Variants in MAGI1 observed in about 807,000 individuals in gnomAD.
MAGI1 encodes membrane associated guanylate kinase, WW and PDZ domain containing 1, also known as membrane-associated guanylate kinase, WW and PDZ domain-containing protein 1.
Under a neutral mutation model 139.9 loss-of-function variants are expected in MAGI1, and 58 were observed. The ratio of observed to expected loss-of-function variants is 0.41; its 90% CI spans 0.34 to 0.52. The LOEUF (loss-of-function observed/expected upper bound fraction) is 0.52. Ranked by LOEUF, MAGI1 falls within the 20% of genes least tolerant of loss-of-function variation. The pLI is 0.12. For missense variants in MAGI1, 1,874 were observed against 1,901.6 expected, an observed-to-expected ratio of 0.99 and a Z score of 0.27; for synonymous variants, 812 against 737.9, an observed-to-expected ratio of 1.10 and a Z score of -1.63.
At chr3:66,025,459 G>C (rs1467448844) in intron 1 of MAGI1, among the ~76,000 whole-genome samples, 1 of 152,150 alleles carries the variant, frequency 6.6e-6, no homozygotes, top group Non-Finnish European at 1.5e-5. Context: ...AAGATCGCTT[G>C]AGCCCAGGAG....
At chr3:65,725,125 T>C (rs750643447) in intron 1 of MAGI1, among the ~76,000 whole-genome samples, 1 of 152,184 alleles carries the variant, frequency 6.6e-6, no homozygotes, top group Non-Finnish European at 1.5e-5. Context: ...CAACTCCAAA[T>C]GAGATTCCTT....
chr3:65,621,216 T>G (rs569140750), intron 2 of MAGI1, among the ~76,000 whole-genome samples: 1 of 152,326 alleles, frequency 6.6e-6, no homozygotes, highest in East Asian at 1.9e-4. Flanking sequence ...CATTCTTCCC[T>G]TGTATTTTAA....
At chr3:65,838,013 C>T (rs189972195) in intron 1 of MAGI1, among the ~76,000 whole-genome samples, 106 of 152,234 alleles carry the variant, frequency 7.0e-4, no homozygotes, top group Middle Eastern at 3.4e-3. Context: ...CTTACATAAC[C>T]GTAGTACAAC....
At chr3:65,934,822 T>G (rs1049094350) in intron 1 of MAGI1, among the ~76,000 whole-genome samples, 1 of 151,962 alleles carries the variant, frequency 6.6e-6, no homozygotes, top group African/African-American at 2.4e-5. Context: ...AGGGGAACAT[T>G]GAAATCCTCT....
chr3:65,494,809 C>G (rs1303639253), intron 2 of MAGI1, among the ~76,000 whole-genome samples: 1 of 152,228 alleles, frequency 6.6e-6, no homozygotes, highest in Admixed American at 6.5e-5. Flanking sequence ...ACTGGATATT[C>G]ACAATTTTCA....
intron 1 of MAGI1, among the ~76,000 whole-genome samples, chr3:65,916,931 A>T (rs2061937344): frequency 6.6e-6 from 1 of 152,190 alleles, no homozygotes; most frequent in Non-Finnish European, 1.5e-5. Flanking sequence ...TTGGATAATC[A>T]TACACGTAAT....
At chr3:65,595,867 C>T (rs1487324913) in intron 2 of MAGI1, among the ~76,000 whole-genome samples, 1 of 152,022 alleles carries the variant, frequency 6.6e-6, no homozygotes. Flanking sequence ...ATCAAGAATC[C>T]TTTCCCTCTG....
At chr3:65,624,628 G>C (rs986122817) in intron 1 of MAGI1, among the ~76,000 whole-genome samples, 1 of 152,168 alleles carries the variant, frequency 6.6e-6, no homozygotes, top group Non-Finnish European at 1.5e-5. Context: ...TTGTTACAGA[G>C]AGCGGAAGGT....
chr3:65,659,117 G>C (rs996764232), intron 1 of MAGI1, among the ~76,000 whole-genome samples: 1 of 152,082 alleles, frequency 6.6e-6, no homozygotes, highest in African/African-American at 2.4e-5. Context: ...CACCCAGATA[G>C]GAAGTACAGA....
At chr3:65,806,330 G>A (rs995346381) in intron 1 of MAGI1, among the ~76,000 whole-genome samples, 2 of 152,096 alleles carry the variant, frequency 1.3e-5, no homozygotes, top group Non-Finnish European at 2.9e-5. Context: ...TCGGGAGGCT[G>A]AGGCAAGAGA....
intron 1 of MAGI1, among the ~76,000 whole-genome samples, chr3:65,626,518 C>T (rs2083979334): frequency 6.6e-6 from 1 of 151,908 alleles, no homozygotes; most frequent in Non-Finnish European, 1.5e-5. Context: ...GATACAGGTT[C>T]TCACTATGTT....
At chr3:66,014,157 G>C (rs1432864528) in intron 1 of MAGI1, among the ~76,000 whole-genome samples, 1 of 152,138 alleles carries the variant, frequency 6.6e-6, no homozygotes, top group African/African-American at 2.4e-5. Flanking sequence ...ACCATCCAAA[G>C]CAGTTCACCA....
At chr3:66,015,380 T>C (rs978550871) in intron 1 of MAGI1, among the ~76,000 whole-genome samples, 9 of 151,990 alleles carry the variant, frequency 5.9e-5, no homozygotes, top group African/African-American at 1.9e-4. Flanking sequence ...CATTGATAAC[T>C]GTGGACGCAG....
rs979962786 is a variant in MAGI1, at chr3:65,779,780, T to A, written c.314-157692A>T. 3.9e-5 allele frequency among the ~76,000 whole-genome samples: 6 copies of A among 152,232 alleles called. No individual in the cohort carries two copies. The South Asian group carries it at 1.2e-3, about 32-fold the overall frequency. On this transcript the variant is annotated intron_variant, in intron 1 of 22. Transcript: ENST00000402939. ...TTCCTTAAGGTCTCCAAAAAAGATC[T>A]ATCTTTGGAAAGTGACGAGTATGCT...
intron 10 of MAGI1, among the ~76,000 whole-genome samples, chr3:65,435,468 G>GTGGATGGA (rs10681942): frequency 0.2 from 29,366 of 149,512 alleles, 3,040 homozygotes; most frequent in Non-Finnish European, 0.21. Flanking sequence ...ATATGTATAT[G>GTGGATGGA]TGGATGGATG....
At chr3:65,892,774 T>C (rs1052893843) in intron 1 of MAGI1, among the ~76,000 whole-genome samples, 1 of 152,192 alleles carries the variant, frequency 6.6e-6, no homozygotes, top group African/African-American at 2.4e-5. Flanking sequence ...ATTACAATCA[T>C]TCTTATGACC....
At chr3:65,442,408 A>G (rs1948406365) in intron 8 of MAGI1, among the ~76,000 whole-genome samples, 1 of 152,162 alleles carries the variant, frequency 6.6e-6, no homozygotes, top group Non-Finnish European at 1.5e-5. Context: ...GGTAGAGCAA[A>G]AAGTAGACGA....
At chr3:65,827,589 T>A (rs537384888) in intron 1 of MAGI1, among the ~76,000 whole-genome samples, 1 of 152,114 alleles carries the variant, frequency 6.6e-6, no homozygotes, top group Non-Finnish European at 1.5e-5. Flanking sequence ...CAGTCCAGGG[T>A]CTAAACTTTG....
rs1386595714 is a variant in MAGI1, at chr3:65,625,130, C to T, written c.314-3042G>A. On this transcript the variant is annotated intron_variant, in intron 1 of 22. Transcript: ENST00000402939. The stretch of plus-strand genomic sequence containing the variant: ...TCAAGTGATCTGCCCACCTCGGCGT[C>T]CCAAAGTGCTGGGATTACAGGTGTG... Among the ~76,000 whole-genome samples the T allele has an allele frequency of 7.2e-5, 11 of 152,148 alleles. No individual in the cohort carries two copies. The South Asian group carries it at 8.3e-4, about 11-fold the overall frequency.
Sources: allele counts gnomAD v4.1 joint callset (sites outside exome capture counted in the v4.1 genomes callset), GRCh38; gene constraint gnomAD v4.1.1; transcripts MANE v1.5; gene names NCBI Gene and HGNC (gene_info 2026-07-23, HGNC 2026-07-21).